Variants in RBP3 observed in about 807,000 individuals in gnomAD.
RBP3 encodes retinol-binding protein 3.
RBP3 carries 50 observed loss-of-function variants against 64.8 expected under a neutral mutation model. The observed-to-expected ratio is 0.77, with a 90% CI of 0.61 to 0.98. The LOEUF is 0.98. Among genes scored for constraint, RBP3 ranks in the 50% least tolerant of loss-of-function variants. The pLI, the probability that RBP3 is intolerant of heterozygous loss-of-function variation, is 0.00. For synonymous variants in RBP3, 828 were observed against 730.2 expected, an observed-to-expected ratio of 1.13 and a Z score of -2.16; for missense variants, 1,712 against 1,660.5, an observed-to-expected ratio of 1.03 and a Z score of -0.54.
In RBP3 at chr10:47,351,115, C is replaced by G. The variant is rs1555211508; in HGVS notation, c.2631C>G (p.Leu877=). 1.9e-6 allele frequency: 3 copies of G among 1,612,896 alleles called. No homozygotes were observed. The highest frequency in any genetic ancestry group is 1.6e-4 in the Middle Eastern group (1 of 6,062). ...GGGAGCCCACGGCCGGAGGCGCACT[C>G]TCTGTGGGCATCTACCAGGTGGGCA... The part of the protein sequence containing the change: ...VIGEPTAGGA[L]SVGIYQVGSS... Residue 877 remains leucine, a synonymous_variant, in exon 1 of 4, where the codon CTC becomes CTG. Coordinates refer to ENST00000584701, the MANE Select transcript of RBP3 (RefSeq NM_002900.3).
Position 47,348,610 on chromosome 10 carries a change from G to T in RBP3, c.126G>T (p.Pro42=), listed in dbSNP as rs146175391. Residue 42 remains proline, a synonymous_variant, in exon 1 of 4, where the codon CCG becomes CCT. Transcript: ENST00000584701. ...AKVLLDNYCF[P]ENLLGMQEAI... Reference sequence around the variant, plus strand: ...TCCTCTTGGATAACTACTGCTTCCCGGAGAACCTGCTGGGCATGCAGGAAG... The same window carrying T: ...TCCTCTTGGATAACTACTGCTTCCCTGAGAACCTGCTGGGCATGCAGGAAG... 2 of 1,613,464 alleles carry T rather than the reference G, an allele frequency of 1.2e-6. No homozygotes were observed. The highest frequency in any genetic ancestry group is 1.7e-6 in the Non-Finnish European group (2 of 1,180,024).
Position 47,355,437 on chromosome 10 carries a change from G to A in RBP3, c.3307G>A (p.Gly1103Ser), listed in dbSNP as rs1357306023. 6.2e-7 allele frequency: 1 copy of A among 1,614,152 alleles called. No homozygotes were observed. Among genetic ancestry groups the A allele is most frequent in the East Asian group, 2.2e-5 (1 of 44,882 alleles). The change falls in exon 3 of 4, where the codon GGC becomes AGC. Residue 1103 changes from glycine to serine, a missense_variant. By Grantham distance (56) the Gly-to-Ser change is moderately conservative. Transcript: ENST00000584701. ...PILCSYFFDE[G>S]PPVLLDKIYS... The stretch of plus-strand genomic sequence containing the variant: ...CTTGTGCTCCTACTTCTTTGATGAA[G>A]GCCCTCCAGTTCTGCTGGACAAGAT...
rs782611643 is a variant in RBP3, at chr10:47,348,622, G to A, written c.138G>A (p.Leu46=). ...ACTACTGCTTCCCGGAGAACCTGCT[G>A]GGCATGCAGGAAGCCATCCAGCAGG... The part of the protein sequence containing the change: ...LDNYCFPENL[L]GMQEAIQQAI... The change falls in exon 1 of 4, where the codon CTG becomes CTA. Residue 46 remains leucine, a synonymous_variant. Transcript: ENST00000584701. 64 of 1,613,382 alleles carry A rather than the reference G, an allele frequency of 4.0e-5. No homozygotes were observed. The highest frequency in any genetic ancestry group is 5.2e-5 in the Non-Finnish European group (61 of 1,180,042).
intron 3 of RBP3, 69 bp from the exon 4 acceptor site, chr10:47,357,033 A>G: frequency 1.4e-6 from 2 of 1,445,248 alleles, no homozygotes. Context: ...AGGCCCAGGC[A>G]GGATAGAGAA....
chr10:47,350,797 G>GCTGGTATGC lies in RBP3; in HGVS notation c.2318_2319insATGCCTGGT (p.Val773_Asp774insCysLeuVal). On this transcript the variant is annotated inframe_insertion, in exon 1 of 4. Coordinates refer to ENST00000584701, the MANE Select transcript of RBP3 (RefSeq NM_002900.3). ...AGCTGGTGCGGCTGGTATGGCAACAGCTGGTGGACACGGCTGCGCTGGTGA... is the reference window on the plus strand; with the variant it reads ...AGCTGGTGCGGCTGGTATGGCAACAGCTGGTATGCCTGGTGGACACGGCTGCGCTGGTGA... The GCTGGTATGC allele has an allele frequency of 6.2e-7, 1 of 1,613,096 alleles. No homozygotes were observed. Among genetic ancestry groups the GCTGGTATGC allele is most frequent in the East Asian group, 2.2e-5 (1 of 44,886 alleles).
In RBP3 at chr10:47,357,770, T is replaced by G; in HGVS notation, c.*313T>G. 3.9e-6 allele frequency: 1 copy of G among 253,926 alleles called. No homozygotes were observed. Among genetic ancestry groups the G allele is most frequent in the Non-Finnish European group, 7.5e-6 (1 of 132,802 alleles). 15.7% of individuals were successfully genotyped at this position (253,926 alleles called of 1,614,324 possible). A position where few individuals can be genotyped will look rare whatever the true frequency, so the allele number is the denominator to read the frequency against. On this transcript the variant is annotated 3_prime_UTR_variant, in exon 4 of 4. Coordinates refer to ENST00000584701, the MANE Select transcript of RBP3 (RefSeq NM_002900.3). The stretch of plus-strand genomic sequence containing the variant: ...CCTTCTTCATACTTTGCTCTTTTTC[T>G]TAAATACTCATTAATGTGCATATAT...
In RBP3 at chr10:47,350,495, G is replaced by A; in HGVS notation, c.2011G>A (p.Gly671Ser). 9.9e-6 allele frequency: 16 copies of A among 1,612,760 alleles called. No individual in the cohort carries two copies. Among genetic ancestry groups the A allele is most frequent in the Non-Finnish European group, 1.4e-5 (16 of 1,180,030 alleles). Residue 671 changes from glycine (G) to serine (S), a missense_variant, in exon 1 of 4, where the codon GGC (glycine) becomes AGC (serine). Transcript: ENST00000584701. ...CCTCCTGCGGGCCAAGCTGGCCCAGGGCGCCTACCGCACAGCTGTGGACTT... is the reference window on the plus strand; with the variant it reads ...CCTCCTGCGGGCCAAGCTGGCCCAGAGCGCCTACCGCACAGCTGTGGACTT... ...SALLRAKLAQGAYRTAVDLES... is the reference protein window; with the variant it reads ...SALLRAKLAQSAYRTAVDLES...
chr10:47,350,083 C>T lies in RBP3; in HGVS notation c.1599C>T (p.Thr533=), dbSNP rs1836937281. 1 of 1,613,060 alleles carries T rather than the reference C, an allele frequency of 6.2e-7. No homozygotes were observed. The highest frequency in any genetic ancestry group is 8.5e-7 in the Non-Finnish European group (1 of 1,180,004). Residue 533 remains threonine, a synonymous_variant, in exon 1 of 4, where the codon ACC becomes ACT. Transcript: ENST00000584701. ...HMELPGPRYS[T]QRGVYLLTSH... is the part of the protein sequence containing the mutation. ...AGCTCCCGGGCCCACGCTACAGCAC[C>T]CAACGTGGGGTGTATCTGCTCACCA...
rs1555212074 is a variant in RBP3 at position 47,357,340 on chromosome 10, G to T, written c.3627G>T (p.Val1209=). The T allele has an allele frequency of 7.4e-6, 12 of 1,614,002 alleles. No homozygotes were observed. Among genetic ancestry groups the T allele is most frequent in the Non-Finnish European group, 1.0e-5 (12 of 1,180,040 alleles). ...CGGATGGCAGCTCCTGGGAAGGGGT[G>T]GGGGTGACACCCCATGTGGTTGTCC... ...GASDGSSWEG[V]GVTPHVVVPA... Residue 1209 remains valine (V), a synonymous_variant, in exon 4 of 4, where the codon GTG becomes GTT. Transcript: ENST00000584701.
rs1837005183 is a variant in RBP3 at position 47,353,423 on chromosome 10, G to A, written c.3153G>A (p.Gly1051=). The A allele has an allele frequency of 1.2e-6, 2 of 1,614,018 alleles. No homozygotes were observed. The highest frequency in any genetic ancestry group is 1.7e-5 in the Admixed American group (1 of 60,008). Residue 1051 remains glycine (G), a synonymous_variant, in exon 2 of 4, where the codon GGG becomes GGA. Coordinates refer to ENST00000584701, the MANE Select transcript of RBP3 (RefSeq NM_002900.3). The part of the protein sequence containing the change: ...NIGYLRFDMF[G]DGELLTQVSR... The stretch of plus-strand genomic sequence containing the variant: ...GCTACTTGAGGTTTGACATGTTTGG[G>A]GACGGTGAGCTGCTCACCCAGGTCT...
rs375566306 is a variant in RBP3, at chr10:47,349,174, C to A, written c.690C>A (p.Leu230=). The change falls in exon 1 of 4, where the codon CTC becomes CTA. Residue 230 remains leucine (L), a synonymous_variant. Transcript: ENST00000584701. ...RYGADKDVVV[L]TSSQTRGVAE... ...GTGCCGACAAGGATGTGGTGGTCCT[C>A]ACCAGCAGCCAGACCAGGGGCGTGG... is the stretch of plus-strand genomic sequence containing the variant. 1 of 1,613,664 alleles carries A rather than the reference C, an allele frequency of 6.2e-7. No individual in the cohort carries two copies. The highest frequency in any genetic ancestry group is 8.5e-7 in the Non-Finnish European group (1 of 1,180,056).
chr10:47,351,040 C>T lies in RBP3; in HGVS notation c.2556C>T (p.Ala852=), dbSNP rs375422843. ...ILMSHTSGSA[A]EAFAHTMQDL... ...TGAGCCACACCAGTGGCTCTGCGGC[C>T]GAGGCCTTTGCACACACCATGCAGG... The change falls in exon 1 of 4, where the codon GCC becomes GCT. Residue 852 remains alanine, a synonymous_variant. Transcript: ENST00000584701. 1.0e-4 allele frequency: 166 copies of T among 1,610,732 alleles called. No individual in the cohort carries two copies. Among genetic ancestry groups the T allele is most frequent in the Admixed American group, 2.2e-4 (13 of 59,946 alleles).
Position 47,350,252 on chromosome 10 carries a change from G to C in RBP3, c.1768G>C (p.Ala590Pro). 6.2e-7 allele frequency: 1 copy of C among 1,607,512 alleles called. No homozygotes were observed. Among genetic ancestry groups the C allele is most frequent in the Non-Finnish European group, 8.5e-7 (1 of 1,179,908 alleles). The change falls in exon 1 of 4, where the codon GCG (alanine) becomes CCG (proline). Residue 590 changes from alanine (A) to proline (P), a missense_variant. By Grantham distance (27) the Ala-to-Pro change is conservative. Transcript: ENST00000584701. ...GCTGGACACACCCGAAGGCAGCCTCGCGCTCACCGTGCCGGTCCTCACCTT... is the reference window on the plus strand; with the variant it reads ...GCTGGACACACCCGAAGGCAGCCTCCCGCTCACCGTGCCGGTCCTCACCTT... The part of the protein sequence containing the change: ...PLLDTPEGSL[A>P]LTVPVLTFID...
Position 47,350,324 on chromosome 10 carries a change from G to A in RBP3, c.1840G>A (p.Asp614Asn), listed in dbSNP as rs149642039. The change falls in exon 1 of 4, where the codon GAT (aspartate) becomes AAT (asparagine). Residue 614 changes from aspartate (D) to asparagine (N), a missense_variant. Asp to Asn is a conservative substitution (Grantham distance 23). Transcript: ENST00000584701. Reference sequence around the variant, plus strand: ...CTGGCTGGGTGGTGGAGTGGTGCCCGATGCCATCGTGCTGGCCGAGGAGGC... The same window carrying A: ...CTGGCTGGGTGGTGGAGTGGTGCCCAATGCCATCGTGCTGGCCGAGGAGGC... ...EAWLGGGVVP[D>N]AIVLAEEALD... The A allele has an allele frequency of 1.7e-4, 279 of 1,610,990 alleles. 1 individual carries two copies. Among genetic ancestry groups the A allele is most frequent in the Admixed American group, 1.8e-4 (11 of 60,010 alleles).
At position 47,349,122 on chromosome 10, in the gene RBP3, T is replaced by C; in HGVS notation, c.638T>C (p.Leu213Ser). ...AACACCACCACGGAGATCTGGACCT[T>C]GCCCCAGGTCCTGGGAGAAAGGTAC... Reference protein sequence around the residue: ...PSNTTTEIWTLPQVLGERYGA... With the variant: ...PSNTTTEIWTSPQVLGERYGA... Residue 213 changes from leucine (L) to serine (S), a missense_variant, in exon 1 of 4, where the codon TTG becomes TCG. Coordinates refer to ENST00000584701, the MANE Select transcript of RBP3 (RefSeq NM_002900.3). 1 of 1,613,956 alleles carries C rather than the reference T, an allele frequency of 6.2e-7. No homozygotes were observed. The highest frequency in any genetic ancestry group is 8.5e-7 in the Non-Finnish European group (1 of 1,180,026).
intron 1 of RBP3, 107 bp from the exon 2 acceptor site, chr10:47,353,218 T>C (rs1837001091): frequency 4.9e-6 from 5 of 1,013,446 alleles, no homozygotes; most frequent in Non-Finnish European, 7.8e-6. Context: ...CCTTCAGAAA[T>C]GTTAGTTCCT....
Position 47,349,249 on chromosome 10 carries a change from G to A in RBP3, c.765G>A (p.Val255=), listed in dbSNP as rs370394501. The A allele has an allele frequency of 1.2e-6, 2 of 1,613,280 alleles. No homozygotes were observed. Among genetic ancestry groups the A allele is most frequent in the South Asian group, 1.1e-5 (1 of 91,084 alleles). ...AGCAGATGCGCAGGGCCATCGTGGT[G>A]GGCGAGCGGACTGGGGGAGGGGCCC... ...ILKQMRRAIV[V]GERTGGGALD... Residue 255 remains valine (V), a synonymous_variant, in exon 1 of 4, where the codon GTG becomes GTA. Transcript: ENST00000584701.
Position 47,349,653 on chromosome 10 carries a change from T to A in RBP3, c.1169T>A (p.Ile390Asn). 6.2e-7 allele frequency: 1 copy of A among 1,612,196 alleles called. No homozygotes were observed. The highest frequency in any genetic ancestry group is 8.5e-7 in the Non-Finnish European group (1 of 1,180,002). Residue 390 changes from isoleucine to asparagine, a missense_variant, in exon 1 of 4, where the codon ATC becomes AAC. Coordinates refer to ENST00000584701, the MANE Select transcript of RBP3 (RefSeq NM_002900.3). The part of the protein sequence containing the change: ...SEDPRLLVRA[I>N]GPTETPSWPA... ...GATCCCAGGCTCCTGGTGCGAGCCA[T>A]CGGGCCCACAGAAACTCCTTCTTGG...
chr10:47,353,577 G>T, intron 2 of RBP3, 62 bp downstream of exon 2: 7 of 1,585,286 alleles, frequency 4.4e-6, no homozygotes, highest in Non-Finnish European at 6.0e-6. Context: ...GACAGTCAAA[G>T]CTATGGGCCA....
Sources: gnomAD v4.1 joint callset for allele counts on GRCh38, gnomAD v4.1.1 for gene constraint, MANE v1.5 for transcripts, NCBI Gene and HGNC (gene_info 2026-07-23, HGNC 2026-07-21) for gene names.